The following ZDHHC21 variants were observed in gnomAD, a reference collection of about 807,000 sequenced individuals.
ZDHHC21 encodes zDHHC palmitoyltransferase 21.
In ZDHHC21, 15 loss-of-function variants were observed where a neutral mutation model predicts 34.6. The observed-to-expected ratio is 0.43, with a 90% CI of 0.29 to 0.67. The LOEUF is 0.67. Among genes scored for constraint, ZDHHC21 ranks in the 30% least tolerant of loss-of-function variants. The pLI, the probability that ZDHHC21 is intolerant of heterozygous loss-of-function variation, is 0.14. For missense variants in ZDHHC21, 344 were observed against 327.7 expected, an observed-to-expected ratio of 1.05 and a Z score of -0.38; for synonymous variants, 142 against 101.8, an observed-to-expected ratio of 1.40 and a Z score of -2.38.
intron 8 of ZDHHC21, among the ~76,000 whole-genome samples, chr9:14,621,474 T>C (rs1210113019): frequency 6.6e-6 from 1 of 152,126 alleles, no homozygotes; most frequent in Non-Finnish European, 1.5e-5. Context: ...TTCTTGAATC[T>C]GTTTTGGGAA....
chr9:14,628,659 A>G (rs1431807690), intron 8 of ZDHHC21, among the ~76,000 whole-genome samples: 1 of 152,164 alleles, frequency 6.6e-6, no homozygotes, highest in Admixed American at 6.6e-5. Context: ...ATGCAACCTG[A>G]CAAATTCGTC....
In ZDHHC21 at chr9:14,624,673, G is replaced by C. The variant is rs1255381524; in HGVS notation, c.622-4991C>G. ...AGAAAGAAGTGAAGGATGGGGAAGA[G>C]GATGGTCGATGGGTACAAAGTTACA... On this transcript the variant is annotated intron_variant, in intron 8 of 9. Transcript: ENST00000380916. Among the ~76,000 whole-genome samples, 2 of 151,916 alleles carry C rather than the reference G, an allele frequency of 1.3e-5. 1 individual carries two copies. The highest frequency in any genetic ancestry group is 1.3e-4 in the Admixed American group (2 of 15,234).
chr9:14,659,247 C>G (rs1832921195), intron 6 of ZDHHC21, among the ~76,000 whole-genome samples: 1 of 152,096 alleles, frequency 6.6e-6, no homozygotes, highest in Non-Finnish European at 1.5e-5. Context: ...GCCAAGAGAG[C>G]AAGAACCCTG....
chr9:14,605,802 T>C, the ZDHHC21 span, among the ~76,000 whole-genome samples: 2 of 152,240 alleles, frequency 1.3e-5, no homozygotes, highest in Non-Finnish European at 2.9e-5. Context: ...AGGAGTTTTA[T>C]ACTGTCAGAT....
At chr9:14,673,767 G>A (rs537764905) in intron 4 of ZDHHC21, among the ~76,000 whole-genome samples, 2 of 152,106 alleles carry the variant, frequency 1.3e-5, no homozygotes, top group East Asian at 3.9e-4. Context: ...CTATCCAGAA[G>A]TTCCAAGTGT....
the ZDHHC21 span, among the ~76,000 whole-genome samples, chr9:14,595,297 C>T: frequency 3.9e-5 from 6 of 152,058 alleles, no homozygotes; most frequent in African/African-American, 1.4e-4. Context: ...CAAAATGTGG[C>T]ATATTCATAA....
In ZDHHC21 at chr9:14,618,653, A is replaced by G; in HGVS notation, c.*313T>C. ...ATAAATTAGAATCTGTAACACTGTC[A>G]GTACTAAAATAAATTATGTACAATT... On this transcript the variant is annotated 3_prime_UTR_variant, in exon 10 of 10. Transcript: ENST00000380916. 4.8e-6 allele frequency: 1 copy of G among 207,824 alleles called. No homozygotes were observed. The highest frequency in any genetic ancestry group is 9.5e-6 in the Non-Finnish European group (1 of 105,072). 12.9% of individuals were successfully genotyped at this position (207,824 alleles called of 1,614,324 possible).
At chr9:14,661,508 GC>G (rs1400141578) in intron 6 of ZDHHC21, among the ~76,000 whole-genome samples, 2 of 152,152 alleles carry the variant, frequency 1.3e-5, no homozygotes, top group Admixed American at 6.5e-5. Context: ...GAGAGCCAAT[GC>G]TAAGAAAACA....
intron 8 of ZDHHC21, among the ~76,000 whole-genome samples, chr9:14,624,010 C>T (rs1394929957): frequency 1.3e-5 from 2 of 152,068 alleles, no homozygotes; most frequent in Non-Finnish European, 2.9e-5. Context: ...AATCACAGCA[C>T]TGGGTACACT....
chr9:14,625,894 T>C (rs1826119750), intron 8 of ZDHHC21, among the ~76,000 whole-genome samples: 1 of 151,962 alleles, frequency 6.6e-6, no homozygotes, highest in Non-Finnish European at 1.5e-5. Flanking sequence ...ATTTACCAAG[T>C]ATCTATTATG....
chr9:14,599,466 C>T, the ZDHHC21 span, among the ~76,000 whole-genome samples: 1 of 152,130 alleles, frequency 6.6e-6, no homozygotes, highest in African/African-American at 2.4e-5. Context: ...CCAGGAGATA[C>T]CCTCAGGTGC....
chr9:14,640,072 CAAT>C (rs1829056071), intron 7 of ZDHHC21, 60 bp from the exon 8 acceptor site: 4 of 859,942 alleles, frequency 4.7e-6, no homozygotes, highest in Non-Finnish European at 5.5e-6. Flanking sequence ...CTTACAGTCG[CAAT>C]AATAATCAAG....
chr9:14,629,860 A>C (rs1304294015), intron 8 of ZDHHC21, among the ~76,000 whole-genome samples: 2 of 152,176 alleles, frequency 1.3e-5, no homozygotes, highest in Non-Finnish European at 2.9e-5. Flanking sequence ...CATCCTGGCC[A>C]ACATGGTGAA....
downstream of ZDHHC21, among the ~76,000 whole-genome samples, chr9:14,609,713 G>A (rs149363554): frequency 1.5e-3 from 233 of 152,140 alleles, 3 homozygotes; most frequent in East Asian, 0.036. Flanking sequence ...ACTTTCCAAA[G>A]TGAAAAAGAG....
At chr9:14,663,336 T>C (rs1012591188) in intron 5 of ZDHHC21, among the ~76,000 whole-genome samples, 2 of 152,116 alleles carry the variant, frequency 1.3e-5, no homozygotes, top group Non-Finnish European at 2.9e-5. Flanking sequence ...CAGATTGAAT[T>C]TTAGTACATG....
chr9:14,676,975 G>A (rs1445073976), intron 3 of ZDHHC21, among the ~76,000 whole-genome samples: 1 of 151,906 alleles, frequency 6.6e-6, no homozygotes, highest in Non-Finnish European at 1.5e-5. Flanking sequence ...TATGAGAGTA[G>A]CTTAAATTTA....
At chr9:14,660,372 C>CAAAAAAAA (rs374162221) in intron 6 of ZDHHC21, among the ~76,000 whole-genome samples, 40 of 58,760 alleles carry the variant, frequency 6.8e-4, no homozygotes, top group East Asian at 2.3e-3. Context: ...GACTCCATCT[C>CAAAAAAAA]AAAAAAAAAA....
At chr9:14,676,215 C>T (rs1836345780) in intron 3 of ZDHHC21, among the ~76,000 whole-genome samples, 1 of 151,940 alleles carries the variant, frequency 6.6e-6, no homozygotes, top group Non-Finnish European at 1.5e-5. Flanking sequence ...GGAGCAACTG[C>T]TAGAATCGAA....
At chr9:14,623,461 C>T (rs555162165) in intron 8 of ZDHHC21, among the ~76,000 whole-genome samples, 16 of 151,648 alleles carry the variant, frequency 1.1e-4, no homozygotes, top group Non-Finnish European at 2.4e-4. Flanking sequence ...CCCAGAAGTT[C>T]AAGGCTGCAG....
Sources: allele counts gnomAD v4.1 joint callset (sites outside exome capture counted in the v4.1 genomes callset), GRCh38; gene constraint gnomAD v4.1.1; transcripts MANE v1.5; gene names NCBI Gene and HGNC (gene_info 2026-07-23, HGNC 2026-07-21).